The following INTS1 variants were observed in gnomAD, a reference collection of about 807,000 sequenced individuals.
INTS1 encodes the protein integrator complex subunit 1.
A neutral mutation model predicts 241.6 loss-of-function variants in INTS1; 137 were observed. The observed-to-expected ratio is 0.57, with a 90% CI of 0.49 to 0.65. The LOEUF (loss-of-function observed/expected upper bound fraction) is 0.65, where lower values mean the gene tolerates loss of function less well. Ranked by LOEUF, INTS1 falls within the 30% of genes least tolerant of loss-of-function variation. The pLI is 0.00. For synonymous variants in INTS1, 1,692 were observed against 1,337.8 expected (o/e 1.26, Z -5.78); for missense variants, 3,073 against 3,032.2 (o/e 1.01, Z -0.32).
Position 1,470,425 on chromosome 7 carries a change from C to T in INTS1, c.*152G>A, listed in dbSNP as rs937521020. ...GCCGGCCCGGAGCCACCCCAGGGCT[C>T]GGAGTATTGCTCCTGGGCCTGCCTG... is the stretch of plus-strand genomic sequence containing the variant. On this transcript the variant is annotated 3_prime_UTR_variant, in exon 48 of 48. Coordinates refer to ENST00000404767, the MANE Select transcript of INTS1 (RefSeq NM_001080453.3). 5.2e-6 allele frequency: 3 copies of T among 572,690 alleles called. No individual in the cohort carries two copies. In the Admixed American group the frequency reaches 1.1e-4, roughly 21 times the overall value. The allele number at this position is 572,690 out of a possible 1,614,324, so 35.5% of individuals were successfully genotyped here. A position where few individuals can be genotyped will look rare whatever the true frequency, so the allele number is the denominator to read the frequency against.
In INTS1 at chr7:1,493,312, G is replaced by A. The variant is rs10230020; in HGVS notation, c.2069-206C>T. On this transcript the variant is annotated intron_variant, in intron 15 of 47. Transcript: ENST00000404767. The surrounding 1 kb of genome is among the most constrained non-coding windows in gnomAD (Gnocchi z 5.3). ...TTGCTCTCGGGGACACCTGGGCTGG[G>A]TCTAGAGAGCAGGCAGGGCTGCCAA... Among the ~76,000 whole-genome samples, 3,711 of 152,218 alleles carry A rather than the reference G, an allele frequency of 0.024. 84 individuals are homozygous for A. The highest frequency in any genetic ancestry group is 0.054 in the African/African-American group (2,233 of 41,520).
chr7:1,494,938 G>A, intron 13 of INTS1, 45 bp from the exon 14 acceptor site: 5 of 1,545,676 alleles, frequency 3.2e-6, no homozygotes, highest in Non-Finnish European at 3.5e-6. Context: ...TGGGTGCTCA[G>A]GGACCAGCCC....
At chr7:1,485,605 A>C (rs1360041849) in intron 22 of INTS1, 136 bp from the exon 23 acceptor site, 1 of 873,496 alleles carries the variant, frequency 1.1e-6, no homozygotes, top group Non-Finnish European at 1.7e-6. Flanking sequence ...GAGAGGCCGC[A>C]GGTAAAAGGG....
intron 16 of INTS1, among the ~76,000 whole-genome samples, chr7:1,490,137 G>A (rs1402211023): frequency 6.6e-6 from 1 of 152,224 alleles, no homozygotes; most frequent in African/African-American, 2.4e-5. Context: ...AGGCTGCTGA[G>A]TGGGAAAGAC....
At chr7:1,472,485 C>T in intron 43 of INTS1, 99 bp from the exon 44 acceptor site, 1 of 812,560 alleles carries the variant, frequency 1.2e-6, no homozygotes, top group Non-Finnish European at 1.9e-6. Flanking sequence ...CGGCCACTGC[C>T]CAGGCTCCCA....
chr7:1,498,349 G>A (rs1458806444), intron 10 of INTS1, 63 bp downstream of exon 10: 4 of 1,593,354 alleles, frequency 2.5e-6, no homozygotes, highest in Admixed American at 1.7e-5. Flanking sequence ...GACGCCACGT[G>A]CCCCTCCAGC....
intron 45 of INTS1, 46 bp downstream of exon 45, chr7:1,471,525 A>T (rs1356534712): frequency 1.3e-6 from 2 of 1,588,666 alleles, no homozygotes; most frequent in Non-Finnish European, 1.7e-6. Context: ...GGGGTTCCCC[A>T]AGGGAGTGGC....
Position 1,493,711 on chromosome 7 carries a change from G to A in INTS1, c.2068+43C>T, listed in dbSNP as rs1285478650. 3 of 1,535,540 alleles carry A rather than the reference G, an allele frequency of 2.0e-6. No homozygotes were observed. Among genetic ancestry groups the A allele is most frequent in the African/African-American group, 1.4e-5 (1 of 72,776 alleles). On this transcript the variant is annotated intron_variant, in intron 15 of 47. Transcript: ENST00000404767. The surrounding 1 kb of genome is among the most constrained non-coding windows in gnomAD (Gnocchi z 5.3). ...AGCCGGGGTTTCTGCAGGGACGAGGGGAGCAGACCCAGCACAGGCGCCATC... is the reference window on the plus strand; with the variant it reads ...AGCCGGGGTTTCTGCAGGGACGAGGAGAGCAGACCCAGCACAGGCGCCATC...
intron 9 of INTS1, 67 bp from the exon 10 acceptor site, chr7:1,498,620 ACTC>A: frequency 7.7e-7 from 1 of 1,293,818 alleles, no homozygotes; most frequent in Non-Finnish European, 9.9e-7. Context: ...CTGTGCCCCC[ACTC>A]CGCCCGCACC....
At chr7:1,492,609 T>C (rs1782613967) in intron 16 of INTS1, among the ~76,000 whole-genome samples, 1 of 130,354 alleles carries the variant, frequency 7.7e-6, no homozygotes, top group Admixed American at 7.4e-5. Context: ...GCCGTGAATA[T>C]ATAGAGCATA....
intron 47 of INTS1, 31 bp downstream of exon 47, chr7:1,470,815 C>T (rs1781427046): frequency 7.2e-6 from 11 of 1,536,210 alleles, no homozygotes; most frequent in Non-Finnish European, 9.7e-6. Context: ...CCGAGGGCTG[C>T]CAGGGCCCTG....
Position 1,474,329 on chromosome 7 carries a change from C to T in INTS1, c.5668G>A (p.Gly1890Ser), listed in dbSNP as rs1158893393. Residue 1890 changes from glycine (G) to serine (S), a missense_variant, in exon 41 of 48, where the codon GGC becomes AGC. Gly to Ser is a moderately conservative substitution (Grantham distance 56). Coordinates refer to ENST00000404767, the MANE Select transcript of INTS1 (RefSeq NM_001080453.3). The part of the protein sequence containing the change: ...HLPMIAALLH[G>S]RTHLNFQEFR... ...TCCTGGAAGTTGAGGTGGGTGCGGC[C>T]GTGCAGGAGCGCCGCGATCATGGGC... The T allele has an allele frequency of 3.1e-6, 5 of 1,604,128 alleles. No homozygotes were observed. Among genetic ancestry groups the T allele is most frequent in the Middle Eastern group, 1.9e-4 (1 of 5,346 alleles).
rs1481567256 is a variant in INTS1, at chr7:1,481,633, A to G, written c.3704-145T>C. 1.1e-5 allele frequency: 7 copies of G among 626,596 alleles called. No individual in the cohort carries two copies. In the African/African-American group the frequency reaches 1.4e-4, roughly 12 times the overall value. The allele number at this position is 626,596 out of a possible 1,614,324, so 38.8% of individuals were successfully genotyped here. On this transcript the variant is annotated intron_variant, in intron 27 of 47. Transcript: ENST00000404767. The surrounding 1 kb of genome is among the most constrained non-coding windows in gnomAD (Gnocchi z 6.8). ...CGTGGGCTCGGTGACCCCACCCAAG[A>G]CCTGGGGCAGTGCACACTCGGCAGC... is the stretch of plus-strand genomic sequence containing the variant.
At chr7:1,475,866 T>C (rs2128533404) in intron 39 of INTS1, 82 bp downstream of exon 39, 1 of 1,481,314 alleles carries the variant, frequency 6.8e-7, no homozygotes, top group Non-Finnish European at 9.0e-7. Context: ...GATGGCCATG[T>C]ACACTGTGGC....
rs977558966 is a variant in INTS1 at position 1,503,300 on chromosome 7, A to G, written c.59-109T>C. On this transcript the variant is annotated intron_variant, in intron 2 of 47. Transcript: ENST00000404767. ...GAGGGGATTAAACAAGGGTCAGAGG[A>G]GGCAAGGAAGAAGCCAGAGCTCACT... 4.9e-6 allele frequency: 6 copies of G among 1,214,748 alleles called. No individual in the cohort carries two copies. In the African/African-American group the frequency reaches 9.3e-5, roughly 19 times the overall value. 75.2% of individuals were successfully genotyped at this position (1,214,748 alleles called of 1,614,324 possible).
At chr7:1,495,662 G>T in intron 12 of INTS1, 109 bp from the exon 13 acceptor site, 1 of 1,396,106 alleles carries the variant, frequency 7.2e-7, no homozygotes, top group Non-Finnish European at 9.7e-7. Context: ...GGTAACTCAG[G>T]GCACCCCCAG....
In INTS1 at chr7:1,497,057, G is replaced by T; in HGVS notation, c.1602+81C>A. The stretch of plus-strand genomic sequence containing the variant: ...CAGAGCATCCGAAGGGGTGGAGTGT[G>T]CATGGGACCCAGGACGAGGGGGATG... On this transcript the variant is annotated intron_variant, in intron 11 of 47. Coordinates refer to ENST00000404767, the MANE Select transcript of INTS1 (RefSeq NM_001080453.3). The surrounding 1 kb of genome is among the most constrained non-coding windows in gnomAD (Gnocchi z 5.3). 1 of 1,384,742 alleles carries T rather than the reference G, an allele frequency of 7.2e-7. No homozygotes were observed. The highest frequency in any genetic ancestry group is 9.7e-7 in the Non-Finnish European group (1 of 1,032,626). The allele number at this position is 1,384,742 out of a possible 1,614,324, so 85.8% of individuals were successfully genotyped here. A position where few individuals can be genotyped will look rare whatever the true frequency, so the allele number is the denominator to read the frequency against.
rs375479765 is a variant in INTS1, at chr7:1,485,474, G to A, written c.2977-5C>T. ...CGAAAGCACCAGCGACAAACCCTGT[G>A]GCAGACACTCATGAGCTGGGCCGGC... On this transcript the variant is annotated splice_region_variant and splice_polypyrimidine_tract_variant and intron_variant, in intron 22 of 47. Transcript: ENST00000404767. 585 of 1,611,482 alleles carry A rather than the reference G, an allele frequency of 3.6e-4. 1 individual carries two copies. Among genetic ancestry groups the A allele is most frequent in the Middle Eastern group, 2.0e-3 (12 of 6,082 alleles).
At chr7:1,475,126 G>A (rs1377761987) in intron 39 of INTS1, among the ~76,000 whole-genome samples, 1 of 152,238 alleles carries the variant, frequency 6.6e-6, no homozygotes, top group Non-Finnish European at 1.5e-5. Context: ...GCTCACGCCT[G>A]CCATCCCAGC....
Sources: gnomAD v4.1 joint callset for allele counts (sites outside exome capture counted in the v4.1 genomes callset) on GRCh38, gnomAD v4.1.1 for gene constraint, Gnocchi (gnomAD v3.1) non-coding constraint, MANE v1.5 for transcripts, NCBI Gene and HGNC (gene_info 2026-07-23, HGNC 2026-07-21) for gene names.